NEIL1: variants seen among roughly 807,000 people sequenced by gnomAD.
The protein encoded by NEIL1 is nei like DNA glycosylase 1, also known as endonuclease 8-like 1.
In NEIL1, 31 loss-of-function variants were observed where a neutral mutation model predicts 44.2. The observed-to-expected ratio is 0.70, with a 90% CI of 0.53 to 0.95. The LOEUF is 0.95. Ranked by LOEUF, NEIL1 falls within the 40% of genes least tolerant of loss-of-function variation. The pLI is 0.00. For synonymous variants in NEIL1, 254 were observed against 209.7 expected (o/e 1.21, Z -1.83); for missense variants, 549 against 515.5 (o/e 1.07, Z -0.63).
Position 75,349,169 on chromosome 15 carries a change from G to T in NEIL1, c.264G>T (p.Val88=). The T allele has an allele frequency of 6.2e-7, 1 of 1,609,170 alleles. No individual in the cohort carries two copies. ...RFGMSGSFQL[V]PREELPRHAH... Reference sequence around the variant, plus strand: ...GCATGTCCGGCTCTTTTCAGCTGGTGCCCCGCGAGGAGCTGCCACGCCATG... The same window carrying T: ...GCATGTCCGGCTCTTTTCAGCTGGTTCCCCGCGAGGAGCTGCCACGCCATG... Residue 88 remains valine (V), a synonymous_variant, in exon 2 of 10, where the codon GTG becomes GTT. Coordinates refer to ENST00000355059, the MANE Select transcript of NEIL1 (RefSeq NM_024608.4).
chr15:75,352,296 A>G (rs745344498), intron 3 of NEIL1, 28 bp from the exon 4 acceptor site: 5 of 1,613,966 alleles, frequency 3.1e-6, no homozygotes, highest in Non-Finnish European at 4.2e-6. Context: ...CCCACTGCCT[A>G]GCATGGCTTG....
intron 1 of NEIL1, chr15:75,347,711 G>T (rs1295501977): frequency 1.0e-5 from 8 of 769,162 alleles, no homozygotes; most frequent in Non-Finnish European, 1.2e-5. Flanking sequence ...GCGCTGTAGG[G>T]CTAAGGAGAA....
In NEIL1 at chr15:75,356,941, C is replaced by T. The variant is rs763158437; in HGVS notation, c.*1907C>T. Reference sequence around the variant, plus strand: ...CCAAGACCCACTTGGTGGCCCTGTGCCCCTCTTTGTGCTCCCAGACTCCAG... The same window carrying T: ...CCAAGACCCACTTGGTGGCCCTGTGTCCCTCTTTGTGCTCCCAGACTCCAG... On this transcript the variant is annotated 3_prime_UTR_variant, in exon 10 of 10. Transcript: ENST00000355059. This position sits in a 1 kb window ranked among gnomAD's most constrained non-coding sequence, Gnocchi z 5.8. 6.4e-7 allele frequency: 1 copy of T among 1,554,726 alleles called. No homozygotes were observed. Among genetic ancestry groups the T allele is most frequent in the South Asian group, 1.1e-5 (1 of 89,622 alleles).
chr15:75,351,452 A>ATTTT (rs1306708015), intron 2 of NEIL1: 22 of 351,848 alleles, frequency 6.3e-5, no homozygotes, highest in Non-Finnish European at 1.1e-4. Flanking sequence ...TACTTCTTAA[A>ATTTT]TTTTTGGTAG....
At chr15:75,352,798 T>A (rs774321131) in intron 5 of NEIL1, 97 bp downstream of exon 5, 166 of 984,644 alleles carry the variant, frequency 1.7e-4, no homozygotes, top group Admixed American at 6.9e-4. Context: ...GATTTGGAAG[T>A]TTGTAGCCCT....
At chr15:75,353,636 C>T (rs1244108956) in intron 5 of NEIL1, 103 bp from the exon 6 acceptor site, 1 of 1,234,600 alleles carries the variant, frequency 8.1e-7, no homozygotes, top group African/African-American at 1.5e-5. Flanking sequence ...TGACTCAGTC[C>T]ATCAGCTTGT....
intron 1 of NEIL1, chr15:75,348,061 G>A (rs983954261): frequency 4.7e-5 from 51 of 1,077,658 alleles, no homozygotes; most frequent in South Asian, 9.7e-5. Flanking sequence ...CAGGGACCAG[G>A]CGCTGCCGCG....
Position 75,356,498 on chromosome 15 carries a change from C to A in NEIL1, c.*1464C>A, listed in dbSNP as rs1332726497. The A allele has an allele frequency of 9.6e-6, 15 of 1,567,536 alleles. No homozygotes were observed. Among genetic ancestry groups the A allele is most frequent in the Non-Finnish European group, 1.3e-5 (15 of 1,157,430 alleles). On this transcript the variant is annotated 3_prime_UTR_variant, in exon 10 of 10. Transcript: ENST00000355059. This position sits in a 1 kb window ranked among gnomAD's most constrained non-coding sequence, Gnocchi z 5.8. ...GCTGGTGGAGAATGGGGGCTACCCT[C>A]CCCTGTCCCTAGAAGGGGCAGGAAG...
intron 1 of NEIL1, 40 bp downstream of exon 1, chr15:75,347,513 C>T (rs944009642): frequency 6.5e-6 from 1 of 152,694 alleles, no homozygotes; most frequent in Non-Finnish European, 1.5e-5. Context: ...TGGAACCCCC[C>T]AAGCTCGGGG....
intron 1 of NEIL1, 168 bp from the exon 2 acceptor site, chr15:75,348,716 C>G: frequency 7.0e-7 from 1 of 1,433,340 alleles, no homozygotes; most frequent in African/African-American, 1.4e-5. Flanking sequence ...TTCCAGGCAC[C>G]TGTCCGGGTA....
chr15:75,349,930 A>G (rs1056330581), intron 2 of NEIL1, among the ~76,000 whole-genome samples: 1 of 152,214 alleles, frequency 6.6e-6, no homozygotes, highest in Non-Finnish European at 1.5e-5. Flanking sequence ...TGGGGCTCCC[A>G]CCCACAATCC....
In NEIL1 at chr15:75,356,953, C is replaced by T. The variant is rs762450123; in HGVS notation, c.*1919C>T. ...TGGTGGCCCTGTGCCCCTCTTTGTG[C>T]TCCCAGACTCCAGAGCTCCTGTCAC... On this transcript the variant is annotated 3_prime_UTR_variant, in exon 10 of 10. Transcript: ENST00000355059. This position sits in a 1 kb window ranked among gnomAD's most constrained non-coding sequence, Gnocchi z 5.8. 11 of 1,452,898 alleles carry T rather than the reference C, an allele frequency of 7.6e-6. No individual in the cohort carries two copies. The African/African-American group carries it at 1.1e-4, about 15-fold the overall frequency. The allele number at this position is 1,452,898 out of a possible 1,614,324, so 90.0% of individuals were successfully genotyped here.
At chr15:75,349,462 G>C (rs1448961547) in intron 2 of NEIL1, 123 bp downstream of exon 2, 33 of 936,130 alleles carry the variant, frequency 3.5e-5, no homozygotes, top group Admixed American at 5.7e-5. Context: ...CTCATCTGCA[G>C]ATCAAGACAG....
In NEIL1 at chr15:75,349,051, C is replaced by G. The variant is rs184655220; in HGVS notation, c.146C>G (p.Ala49Gly). The change falls in exon 2 of 10, where the codon GCT becomes GGT. Residue 49 changes from alanine to glycine, a missense_variant. Coordinates refer to ENST00000355059, the MANE Select transcript of NEIL1 (RefSeq NM_024608.4). ...GAGAGCAGTGCCTACCGCATCTCAG[C>G]TTCAGCCCGCGGCAAGGAGCTGCGC... ...PFESSAYRISASARGKELRLI... is the reference protein window; with the variant it reads ...PFESSAYRISGSARGKELRLI... 7.1e-4 allele frequency: 1,151 copies of G among 1,613,548 alleles called. 21 individuals carry two copies. In the Admixed American group the frequency reaches 0.017, roughly 24 times the overall value.
Position 75,354,243 on chromosome 15 carries a change from A to T in NEIL1, c.847-7A>T. The T allele has an allele frequency of 6.2e-7, 1 of 1,614,012 alleles. No individual in the cohort carries two copies. On this transcript the variant is annotated splice_region_variant and splice_polypyrimidine_tract_variant and intron_variant, in intron 6 of 9. Transcript: ENST00000355059. ...CTGATTCCTGAATTATCCCCATCCCATTTTAGGGGGATCCTGGACCGTTGG... is the reference window on the plus strand; with the variant it reads ...CTGATTCCTGAATTATCCCCATCCCTTTTTAGGGGGATCCTGGACCGTTGG...
rs1405898419 is a variant in NEIL1, at chr15:75,352,611, C to G, written c.628C>G (p.Leu210Val). ...ALQQHRPSPE[L>V]TLSQKIRTKL... ...CCTGCCCCTTCCTCAGAGCCCGGAG[C>G]TGACCCTGAGCCAGAAGATAAGGAC... is the stretch of plus-strand genomic sequence containing the variant. Residue 210 changes from leucine (L) to valine (V), a missense_variant, in exon 5 of 10, where the codon CTG (leucine) becomes GTG (valine). Coordinates refer to ENST00000355059, the MANE Select transcript of NEIL1 (RefSeq NM_024608.4). 6.2e-7 allele frequency: 1 copy of G among 1,613,032 alleles called. No individual in the cohort carries two copies. The highest frequency in any genetic ancestry group is 1.1e-5 in the South Asian group (1 of 90,846).
intron 1 of NEIL1, chr15:75,347,738 C>G: frequency 1.0e-6 from 1 of 963,084 alleles, no homozygotes; most frequent in Non-Finnish European, 1.3e-6. Flanking sequence ...CTTTGGGGGG[C>G]CCTGAGGAGG....
rs142918370 is a variant in NEIL1 at position 75,352,332 on chromosome 15, T to C, written c.563T>C (p.Ile188Thr). 1.2e-6 allele frequency: 2 copies of C among 1,613,442 alleles called. No individual in the cohort carries two copies. The highest frequency in any genetic ancestry group is 1.7e-6 in the Non-Finnish European group (2 of 1,179,886). The change falls in exon 4 of 10, where the codon ATC (isoleucine) becomes ACC (threonine). Residue 188 changes from isoleucine to threonine, a missense_variant. By Grantham distance (89) the Ile-to-Thr change is moderately conservative. Transcript: ENST00000355059. ...LRAEILYRLK[I>T]PPFEKARSVL... is the part of the protein sequence containing the mutation. ...CCTTGCCCCCACTACAGGCTGAAGATCCCCCCCTTTGAGAAGGCCCGCTCG... is the reference window on the plus strand; with the variant it reads ...CCTTGCCCCCACTACAGGCTGAAGACCCCCCCCTTTGAGAAGGCCCGCTCG...
At chr15:75,347,900 G>A (rs959959215) in intron 1 of NEIL1, 2 of 1,234,086 alleles carry the variant, frequency 1.6e-6, no homozygotes, top group Non-Finnish European at 2.1e-6. Flanking sequence ...GCGGCTCCCA[G>A]GTGTGGAGGG....
Sources: allele counts gnomAD v4.1 joint callset (sites outside exome capture counted in the v4.1 genomes callset), GRCh38; gene constraint gnomAD v4.1.1; non-coding constraint Gnocchi (gnomAD v3.1); transcripts MANE v1.5; gene names NCBI Gene and HGNC (gene_info 2026-07-23, HGNC 2026-07-21).